Variants in CHD7 observed in about 807,000 individuals in gnomAD.
CHD7 encodes the protein chromodomain helicase DNA binding protein 7.
In CHD7, 24 loss-of-function variants were observed where a neutral mutation model predicts 307.3. The observed-to-expected ratio is 0.08, with a 90% CI of 0.06 to 0.11. The LOEUF (loss-of-function observed/expected upper bound fraction) is 0.11. Ranked by LOEUF, CHD7 falls within the 10% of genes least tolerant of loss-of-function variation. CHD7 has a pLI of 1.00. For missense variants in CHD7, 3,106 were observed against 3,727.1 expected (o/e 0.83, Z 4.34); for synonymous variants, 1,363 against 1,349.9 (o/e 1.01, Z -0.21).
chr8:60,739,680 A>T (rs1808893710), intron 1 of CHD7, among the ~76,000 whole-genome samples: 1 of 152,240 alleles, frequency 6.6e-6, no homozygotes. Context: ...TAGTTCTGAC[A>T]GTGAACAGGA....
chr8:60,778,862 A>G (rs190773582), intron 2 of CHD7, among the ~76,000 whole-genome samples: 1 of 152,362 alleles, frequency 6.6e-6, no homozygotes, highest in African/African-American at 2.4e-5. Flanking sequence ...ATACTTAGGT[A>G]GTGATAATTT....
chr8:60,784,408 T>A (rs1308422049), intron 3 of CHD7, among the ~76,000 whole-genome samples: 1 of 152,240 alleles, frequency 6.6e-6, no homozygotes, highest in East Asian at 1.9e-4. Flanking sequence ...ACTGCTGACA[T>A]CTTTACTCTG....
chr8:60,738,486 G>A (rs1808820844), intron 1 of CHD7, among the ~76,000 whole-genome samples: 1 of 151,638 alleles, frequency 6.6e-6, no homozygotes, highest in Non-Finnish European at 1.5e-5. Context: ...CGAGAGGGAA[G>A]CTTTCAAAAT....
intron 34 of CHD7, among the ~76,000 whole-genome samples, 169 bp from the exon 35 acceptor site, chr8:60,860,735 T>C (rs906395266): frequency 2.0e-5 from 3 of 152,234 alleles, no homozygotes; most frequent in Admixed American, 6.5e-5. Flanking sequence ...GCGCCCAGCC[T>C]CATTTTCTGA....
intron 32 of CHD7, 120 bp downstream of exon 32, chr8:60,854,643 T>A: frequency 3.7e-6 from 3 of 816,766 alleles, no homozygotes; most frequent in Non-Finnish European, 5.3e-6. Flanking sequence ...ATATGAAGAC[T>A]ATAGATTTTT....
At chr8:60,762,588 G>A (rs979115291) in intron 2 of CHD7, among the ~76,000 whole-genome samples, 1 of 152,176 alleles carries the variant, frequency 6.6e-6, no homozygotes, top group African/African-American at 2.4e-5. Context: ...TACATGTACT[G>A]TGCTTAGAAT....
chr8:60,778,943 A>G (rs992779585), intron 2 of CHD7, among the ~76,000 whole-genome samples: 3 of 152,186 alleles, frequency 2.0e-5, no homozygotes, highest in Non-Finnish European at 4.4e-5. Context: ...TAACTTTGGC[A>G]GTGTTTAGTT....
intron 2 of CHD7, among the ~76,000 whole-genome samples, chr8:60,767,510 T>C (rs890296135): frequency 3.9e-5 from 6 of 152,248 alleles, no homozygotes; most frequent in Admixed American, 6.5e-5. Flanking sequence ...TGAAAGCCAG[T>C]GCAGAGCTTG....
intron 23 of CHD7, among the ~76,000 whole-genome samples, chr8:60,847,084 CAA>C: frequency 6.6e-6 from 1 of 152,084 alleles, no homozygotes; most frequent in Admixed American, 6.5e-5. Context: ...CATGAGTTAA[CAA>C]GAGAAAAAAA....
At chr8:60,803,597 A>G (rs892279901) in intron 6 of CHD7, among the ~76,000 whole-genome samples, 1 of 152,166 alleles carries the variant, frequency 6.6e-6, no homozygotes, top group Non-Finnish European at 1.5e-5. Flanking sequence ...ATTCTTCTGG[A>G]AGGGAGATAT....
intron 13 of CHD7, among the ~76,000 whole-genome samples, chr8:60,826,796 A>G (rs912319148): frequency 6.6e-5 from 10 of 152,154 alleles, no homozygotes; most frequent in Non-Finnish European, 1.2e-4. Flanking sequence ...GTAGTTCTTC[A>G]TTGATTCTAG....
chr8:60,731,237 AT>A (rs879550710), intron 1 of CHD7, among the ~76,000 whole-genome samples: 38 of 152,084 alleles, frequency 2.5e-4, no homozygotes, highest in Non-Finnish European at 5.3e-4. Flanking sequence ...AAGTTTGTGT[AT>A]TGAGATATAC....
chr8:60,858,727 C>T (rs1466062066), intron 34 of CHD7, among the ~76,000 whole-genome samples: 1 of 152,212 alleles, frequency 6.6e-6, no homozygotes, highest in African/African-American at 2.4e-5. Flanking sequence ...CCCACCTCAG[C>T]CTCCCTAGTA....
chr8:60,798,860 T>C (rs555328587), intron 4 of CHD7, among the ~76,000 whole-genome samples: 3 of 152,344 alleles, frequency 2.0e-5, no homozygotes, highest in Non-Finnish European at 2.9e-5. Context: ...AAAAAGGTTA[T>C]TTCTCCTTAT....
At chr8:60,763,142 A>G (rs1810303310) in intron 2 of CHD7, among the ~76,000 whole-genome samples, 1 of 152,244 alleles carries the variant, frequency 6.6e-6, no homozygotes. Flanking sequence ...CATGTTAAAG[A>G]GCAAAAAGAA....
rs776169011 is a variant in CHD7, at chr8:60,856,530, G to T, written c.7250G>T (p.Arg2417Met). The change falls in exon 34 of 38, where the codon AGG becomes ATG. Residue 2417 changes from arginine (R) to methionine (M), a missense_variant. Physicochemically the swap from Arg to Met is moderately conservative, Grantham distance 91. Around this residue, in one of 10 missense-constraint regions of CHD7, gnomAD observed 1,030 missense variants for 1,165.4 expected, o/e 0.88. Coordinates refer to ENST00000423902, the MANE Select transcript of CHD7 (RefSeq NM_017780.4). Reference sequence around the variant, plus strand: ...ATTGAGGCCGAAAGAGCTGCCAAGAGGCGAAATCTCATGGAGATGGTTGCC... The same window carrying T: ...ATTGAGGCCGAAAGAGCTGCCAAGATGCGAAATCTCATGGAGATGGTTGCC... The part of the protein sequence containing the change: ...IEIEAERAAK[R>M]RNLMEMVAQL... 1.9e-6 allele frequency: 3 copies of T among 1,613,878 alleles called. No homozygotes were observed. The African/African-American group carries it at 4.0e-5, about 22-fold the overall frequency.
chr8:60,835,157 A>G (rs1168632299), intron 15 of CHD7, among the ~76,000 whole-genome samples: 1 of 152,242 alleles, frequency 6.6e-6, no homozygotes, highest in African/African-American at 2.4e-5. Flanking sequence ...GGTCAGACCA[A>G]TGCTGCGTAA....
chr8:60,831,403 A>G (rs544274883), intron 15 of CHD7, among the ~76,000 whole-genome samples: 1 of 152,090 alleles, frequency 6.6e-6, no homozygotes, highest in South Asian at 2.1e-4. Context: ...AAGCAAAGAG[A>G]GGGGGTCAGG....
chr8:60,682,586 A>G (rs1805686653), intron 1 of CHD7, among the ~76,000 whole-genome samples: 1 of 152,212 alleles, frequency 6.6e-6, no homozygotes, highest in Non-Finnish European at 1.5e-5. Context: ...CCATGCCTTT[A>G]GTTAACTTTG....
Sources: allele counts gnomAD v4.1 joint callset (sites outside exome capture counted in the v4.1 genomes callset), GRCh38; gene constraint gnomAD v4.1.1; regional missense constraint gnomAD v4.1.1; transcripts MANE v1.5; gene names NCBI Gene and HGNC (gene_info 2026-07-23, HGNC 2026-07-21).